OSTM1: variants seen among roughly 807,000 people sequenced by gnomAD.
The protein encoded by OSTM1 is osteoclastogenesis associated transmembrane protein 1, also known as osteopetrosis-associated transmembrane protein 1.
Under a neutral mutation model 35.4 loss-of-function variants are expected in OSTM1, and 26 were observed. The ratio of observed to expected loss-of-function variants is 0.73; its 90% CI spans 0.54 to 1.02. OSTM1 has a LOEUF of 1.02. Among genes scored for constraint, OSTM1 ranks in the 50% least tolerant of loss-of-function variants. OSTM1 has a pLI of 0.00. For synonymous variants in OSTM1, 181 were observed against 165.0 expected (o/e 1.10, Z -0.75); for missense variants, 366 against 409.6 (o/e 0.89, Z 0.92).
intron 4 of OSTM1, among the ~76,000 whole-genome samples, chr6:108,050,358 CTTTTT>C (rs759901355): frequency 7.4e-4 from 78 of 104,820 alleles, no homozygotes; most frequent in African/African-American, 2.5e-3. Flanking sequence ...CCAGAAACGT[CTTTTT>C]TTTTTTTTTT....
intron 5 of OSTM1, among the ~76,000 whole-genome samples, chr6:108,048,570 C>T (rs2114590389): frequency 6.6e-6 from 1 of 152,210 alleles, no homozygotes; most frequent in African/African-American, 2.4e-5. Flanking sequence ...TTCTTCCTGC[C>T]TGCCACACTT....
intron 2 of OSTM1, among the ~76,000 whole-genome samples, chr6:108,060,572 G>A (rs1032218405): frequency 6.6e-6 from 1 of 151,790 alleles, no homozygotes; most frequent in Non-Finnish European, 1.5e-5. Context: ...ACAAAAATTG[G>A]CCAGGCATCC....
chr6:108,066,701 A>G (rs933246575), intron 1 of OSTM1, among the ~76,000 whole-genome samples: 1 of 152,154 alleles, frequency 6.6e-6, no homozygotes, highest in African/African-American at 2.4e-5. Context: ...AACCTAGACA[A>G]CTGCTGAAGA....
Position 108,042,390 on chromosome 6 carries a change from A to C in OSTM1, c.*2395T>G, listed in dbSNP as rs1017807107. On this transcript the variant is annotated 3_prime_UTR_variant, in exon 6 of 6. Transcript: ENST00000193322. ...TACATTTTTATTTGCAGCAAAATTT[A>C]AGACAGACAGTACTTTCTTTTTTCT... The C allele has an allele frequency of 9.4e-5, 14 of 149,502 alleles. No individual in the cohort carries two copies. The highest frequency in any genetic ancestry group is 7.4e-4 in the Admixed American group (11 of 14,932). The allele number at this position is 149,502 out of a possible 1,614,324, so 9.3% of individuals were successfully genotyped here.
chr6:108,071,691 G>C (rs1772488458), intron 1 of OSTM1, among the ~76,000 whole-genome samples: 1 of 151,964 alleles, frequency 6.6e-6, no homozygotes, highest in Non-Finnish European at 1.5e-5. Flanking sequence ...AAGTACCTCA[G>C]AACTGTAGAT....
At chr6:108,066,032 G>A (rs1335873899) in intron 1 of OSTM1, among the ~76,000 whole-genome samples, 4 of 152,192 alleles carry the variant, frequency 2.6e-5, no homozygotes, top group East Asian at 1.9e-4. Flanking sequence ...TGGGGTGAAA[G>A]TGATAATGAT....
chr6:108,069,565 T>C (rs1772446121), intron 1 of OSTM1, among the ~76,000 whole-genome samples: 1 of 152,132 alleles, frequency 6.6e-6, no homozygotes, highest in Non-Finnish European at 1.5e-5. Flanking sequence ...CCAAGTAGAA[T>C]AGGACAGAGC....
chr6:108,056,567 C>T (rs1292257600), intron 2 of OSTM1, among the ~76,000 whole-genome samples: 1 of 152,186 alleles, frequency 6.6e-6, no homozygotes, highest in Non-Finnish European at 1.5e-5. Context: ...CAGGGGCAGA[C>T]AGCACAGTAA....
chr6:108,063,500 C>T (rs1772322274), intron 2 of OSTM1, among the ~76,000 whole-genome samples: 1 of 152,168 alleles, frequency 6.6e-6, no homozygotes, highest in Non-Finnish European at 1.5e-5. Flanking sequence ...ATCTTTCTCA[C>T]TCATTAAATT....
At chr6:108,058,894 C>T (rs1396059245) in intron 2 of OSTM1, among the ~76,000 whole-genome samples, 1 of 152,126 alleles carries the variant, frequency 6.6e-6, no homozygotes, top group Non-Finnish European at 1.5e-5. Flanking sequence ...GTTAGTTTTC[C>T]TCTGATGAAT....
intron 2 of OSTM1, among the ~76,000 whole-genome samples, chr6:108,062,677 T>C (rs928651778): frequency 6.6e-6 from 1 of 151,616 alleles, no homozygotes; most frequent in African/African-American, 2.4e-5. Context: ...TACAGGCACA[T>C]GCCACCAAGT....
intron 2 of OSTM1, among the ~76,000 whole-genome samples, chr6:108,061,718 T>G (rs922221052): frequency 6.6e-6 from 1 of 151,394 alleles, no homozygotes. Flanking sequence ...TTCTTTTCTT[T>G]GTAGAGACTC....
Position 108,049,337 on chromosome 6 carries a change from A to T in OSTM1, c.865T>A (p.Ser289Thr), listed in dbSNP as rs1043551038. 8 of 1,613,012 alleles carry T rather than the reference A, an allele frequency of 5.0e-6. No individual in the cohort carries two copies. In the Admixed American group the frequency reaches 1.2e-4, roughly 24 times the overall value. ...CSDTVPVIAV[S>T]VFILFLPVVF... ...ACAGGTAGAAAGAGAATGAACACAGAAACAGCAATTACAGGCACTGTGTCA... is the reference window on the plus strand; with the variant it reads ...ACAGGTAGAAAGAGAATGAACACAGTAACAGCAATTACAGGCACTGTGTCA... The change falls in exon 5 of 6, where the codon TCT becomes ACT. Residue 289 changes from serine to threonine, a missense_variant. Around this residue, in one of 3 missense-constraint regions of OSTM1, gnomAD observed 125 missense variants for 151.7 expected, o/e 0.82. Transcript: ENST00000193322.
intron 2 of OSTM1, among the ~76,000 whole-genome samples, chr6:108,055,645 T>A (rs1772158984): frequency 6.6e-6 from 1 of 152,246 alleles, no homozygotes; most frequent in African/African-American, 2.4e-5. Flanking sequence ...GCCCTCTTTA[T>A]CTTCCACATA....
intron 1 of OSTM1, chr6:108,073,541 A>G (rs947805172): frequency 6.6e-6 from 1 of 152,250 alleles, no homozygotes; most frequent in Non-Finnish European, 1.5e-5. Context: ...CCATTTACTT[A>G]GAGGTATTAC....
chr6:108,059,175 C>T (rs1772229775), intron 2 of OSTM1, among the ~76,000 whole-genome samples: 1 of 152,180 alleles, frequency 6.6e-6, no homozygotes, highest in South Asian at 2.1e-4. Context: ...CTGCTGTATG[C>T]ACAAGATAAG....
chr6:108,071,060 C>T (rs1461926473), intron 1 of OSTM1, among the ~76,000 whole-genome samples: 8 of 151,152 alleles, frequency 5.3e-5, no homozygotes, highest in Non-Finnish European at 8.8e-5. Flanking sequence ...TGGTGGCGGG[C>T]GCCTGTAGTC....
At chr6:108,049,535 T>TA (rs1772040733) in intron 4 of OSTM1, 117 bp from the exon 5 acceptor site, 1 of 1,521,094 alleles carries the variant, frequency 6.6e-7, no homozygotes, top group African/African-American at 1.4e-5. Flanking sequence ...TACATACCTC[T>TA]AAAAACCTAC....
chr6:108,072,790 C>T (rs949664372), intron 1 of OSTM1, among the ~76,000 whole-genome samples: 1 of 151,894 alleles, frequency 6.6e-6, no homozygotes, highest in African/African-American at 2.4e-5. Flanking sequence ...TGGAGTCTCA[C>T]TCTGTTGCCC....
Sources: allele counts gnomAD v4.1 joint callset (sites outside exome capture counted in the v4.1 genomes callset), GRCh38; gene constraint gnomAD v4.1.1; regional missense constraint gnomAD v4.1.1; transcripts MANE v1.5; gene names NCBI Gene and HGNC (gene_info 2026-07-23, HGNC 2026-07-21).